Variants in SORBS2 observed in about 807,000 individuals in gnomAD.
The protein encoded by SORBS2 is sorbin and SH3 domain containing 2.
Under a neutral mutation model 97.7 loss-of-function variants are expected in SORBS2, and 46 were observed. The ratio of observed to expected loss-of-function variants is 0.47; its 90% CI spans 0.37 to 0.60. The LOEUF (loss-of-function observed/expected upper bound fraction) is 0.60. Ranked by LOEUF, SORBS2 falls within the 20% of genes least tolerant of loss-of-function variation. SORBS2 has a pLI of 0.00. For synonymous variants in SORBS2, 476 were observed against 473.4 expected, an observed-to-expected ratio of 1.01 and a Z score of -0.07; for missense variants, 1,316 against 1,282.3, an observed-to-expected ratio of 1.03 and a Z score of -0.40.
intron 6 of SORBS2, among the ~76,000 whole-genome samples, chr4:185,625,544 C>T (rs1250170718): frequency 6.6e-6 from 1 of 152,214 alleles, no homozygotes; most frequent in Non-Finnish European, 1.5e-5. Context: ...ATTTAACATT[C>T]CCTGTGATGA....
intron 2 of SORBS2, among the ~76,000 whole-genome samples, chr4:185,707,418 A>G (rs13131969): frequency 0.27 from 41,483 of 152,140 alleles, 5,860 homozygotes; most frequent in African/African-American, 0.3. Flanking sequence ...TGTCATAATC[A>G]GGATTAATCA....
chr4:185,811,389 G>T (rs956980358), intron 1 of SORBS2, among the ~76,000 whole-genome samples: 4 of 152,216 alleles, frequency 2.6e-5, no homozygotes, highest in African/African-American at 9.6e-5. Flanking sequence ...TTCAGAACAA[G>T]CCATCGTAGT....
intron 1 of SORBS2, among the ~76,000 whole-genome samples, chr4:185,908,963 C>T (rs1023360203): frequency 6.6e-6 from 1 of 151,486 alleles, no homozygotes; most frequent in African/African-American, 2.4e-5. Context: ...ATAAATTCAA[C>T]AATCCCACTA....
rs74374062 is a variant in SORBS2, at chr4:185,723,448, T to C, written c.-197-44626A>G. On this transcript the variant is annotated intron_variant, in intron 2 of 20. Coordinates refer to the SORBS2 transcript ENST00000284776. ...TATTTAACAGAGCAATCTATTTCCA[T>C]GAGGTTCGTGAGAAAATAATTCAGA... Among the ~76,000 whole-genome samples, 174 of 152,320 alleles carry C rather than the reference T, an allele frequency of 1.1e-3. 5 individuals are homozygous for C. In the East Asian group the frequency reaches 0.023, roughly 20 times the overall value.
intron 1 of SORBS2, among the ~76,000 whole-genome samples, chr4:185,922,139 C>T (rs926541861): frequency 1.3e-5 from 2 of 152,200 alleles, no homozygotes; most frequent in Admixed American, 6.5e-5. Flanking sequence ...GAAGCACTGG[C>T]TTTCAGGAGA....
rs146845812 is a variant in SORBS2, at chr4:185,892,075, C to T, written c.-338+64121G>A. 1.9e-4 allele frequency among the ~76,000 whole-genome samples: 29 copies of T among 152,158 alleles called. No individual in the cohort carries two copies. In the East Asian group the frequency reaches 2.3e-3, roughly 12 times the overall value. On this transcript the variant is annotated intron_variant, in intron 1 of 20. Coordinates refer to the SORBS2 transcript ENST00000284776. ...GTCTCGATCTCCTGACCTCGTGATCCGCCTGCCTCGGTCTCCCAAAGTATT... is the reference window on the plus strand; with the variant it reads ...GTCTCGATCTCCTGACCTCGTGATCTGCCTGCCTCGGTCTCCCAAAGTATT...
rs183403310 is a variant in SORBS2, at chr4:185,686,959, A to C, written c.-197-8137T>G. Among the ~76,000 whole-genome samples the C allele has an allele frequency of 3.5e-3, 540 of 152,358 alleles. 17 individuals are homozygous for C. The South Asian group carries it at 0.074, about 21-fold the overall frequency. ...GGTTTCAACATAATAGACGCGCTAT[A>C]TTCCTTTTGATGACATCATATTTTG... On this transcript the variant is annotated intron_variant, in intron 2 of 20. Transcript: ENST00000284776.
At chr4:185,810,165 C>A (rs932189154) in intron 1 of SORBS2, among the ~76,000 whole-genome samples, 7 of 152,262 alleles carry the variant, frequency 4.6e-5, no homozygotes, top group African/African-American at 1.4e-4. Context: ...TAGGCGTACA[C>A]TTATCACCAA....
intron 8 of SORBS2, among the ~76,000 whole-genome samples, chr4:185,619,558 A>C (rs1221916967): frequency 6.6e-6 from 1 of 152,206 alleles, no homozygotes; most frequent in Non-Finnish European, 1.5e-5. Context: ...GACAGAGTTC[A>C]GTTGGTGGGT....
rs145200519 is a variant in SORBS2, at chr4:185,722,859, G to A, written c.-197-44037C>T. ...AAAATAAACAGTTTTCTAAGATTCAGTATAATTTTATTTTGTTTTGTAGCT... is the reference window on the plus strand; with the variant it reads ...AAAATAAACAGTTTTCTAAGATTCAATATAATTTTATTTTGTTTTGTAGCT... On this transcript the variant is annotated intron_variant, in intron 2 of 20. Transcript: ENST00000284776. Among the ~76,000 whole-genome samples the A allele has an allele frequency of 3.1e-3, 468 of 152,262 alleles. 6 individuals carry two copies. Among genetic ancestry groups the A allele is most frequent in the African/African-American group, 9.9e-3 (410 of 41,544 alleles).
chr4:185,610,096 G>A (rs1458214809), intron 12 of SORBS2, among the ~76,000 whole-genome samples: 2 of 152,078 alleles, frequency 1.3e-5, no homozygotes, highest in Non-Finnish European at 2.9e-5. Flanking sequence ...CAGTTAAATT[G>A]TATTCACATC....
At chr4:185,738,213 G>A (rs1202486980) in intron 2 of SORBS2, among the ~76,000 whole-genome samples, 1 of 152,186 alleles carries the variant, frequency 6.6e-6, no homozygotes, top group African/African-American at 2.4e-5. Flanking sequence ...GTAAATGACT[G>A]TGCCATTAAC....
chr4:185,594,755 A>G (rs1309760862), intron 12 of SORBS2, among the ~76,000 whole-genome samples: 1 of 152,224 alleles, frequency 6.6e-6, no homozygotes, highest in Non-Finnish European at 1.5e-5. Flanking sequence ...TGTTGAATAT[A>G]TAAACTCAGT....
At chr4:185,815,207 T>C (rs2099192544) in intron 1 of SORBS2, among the ~76,000 whole-genome samples, 1 of 152,246 alleles carries the variant, frequency 6.6e-6, no homozygotes, top group African/African-American at 2.4e-5. Context: ...ACTGACAAAT[T>C]GAACATCTTT....
chr4:185,813,416 G>T (rs1027359297), intron 1 of SORBS2, among the ~76,000 whole-genome samples: 6 of 152,190 alleles, frequency 3.9e-5, no homozygotes, highest in African/African-American at 1.4e-4. Context: ...CAGGGTCAGC[G>T]TATCCATGGA....
intron 1 of SORBS2, among the ~76,000 whole-genome samples, chr4:185,841,132 C>A (rs1415353541): frequency 4.6e-5 from 7 of 152,158 alleles, no homozygotes; most frequent in Middle Eastern, 3.2e-3. Flanking sequence ...AAAGGCCAGG[C>A]CTTTCTCCCT....
chr4:185,953,749 T>C (rs2099278317), intron 1 of SORBS2, among the ~76,000 whole-genome samples: 3 of 152,238 alleles, frequency 2.0e-5, no homozygotes, highest in Admixed American at 2.0e-4. Flanking sequence ...GAATCGATTT[T>C]ATCACACCTT....
At chr4:185,732,038 A>G (rs1402639756) in intron 2 of SORBS2, among the ~76,000 whole-genome samples, 1 of 151,798 alleles carries the variant, frequency 6.6e-6, no homozygotes, top group Admixed American at 6.6e-5. Context: ...GTGCTCCAAT[A>G]TCTGACCTCC....
chr4:185,611,791 T>G lies in SORBS2; in HGVS notation c.2785A>C (p.Ser929Arg), dbSNP rs1214905171. 5 of 1,613,746 alleles carry G rather than the reference T, an allele frequency of 3.1e-6. No homozygotes were observed. In the Admixed American group the frequency reaches 8.3e-5, roughly 27 times the overall value. ...GAGTATGTTCTTACCTTATTTGAGC[T>G]CAAGCTGTGAATCCTATCACTAGAA... is the stretch of plus-strand genomic sequence containing the variant. The change falls in exon 12 of 15, where the codon AGC becomes CGC. Residue 929 changes from serine (S) to arginine (R), a missense_variant. Ser to Arg is a moderately radical substitution (Grantham distance 110). Coordinates refer to ENST00000418609, the Ensembl canonical transcript of SORBS2.
Sources: gnomAD v4.1 joint callset for allele counts (sites outside exome capture counted in the v4.1 genomes callset) on GRCh38, gnomAD v4.1.1 for gene constraint, MANE v1.5 for transcripts, NCBI Gene and HGNC (gene_info 2026-07-23, HGNC 2026-07-21) for gene names.